Variants in ZNF532 observed in about 807,000 individuals in gnomAD.
The protein encoded by ZNF532 is zinc finger protein 532.
Under a neutral mutation model 89.3 loss-of-function variants are expected in ZNF532, and 22 were observed. The observed-to-expected ratio is 0.25, with a 90% CI of 0.18 to 0.35. The LOEUF is 0.35. Ranked by LOEUF, ZNF532 falls within the 10% of genes least tolerant of loss-of-function variation. The pLI, the probability that ZNF532 is intolerant of heterozygous loss-of-function variation, is 1.00. For missense variants in ZNF532, 1,132 were observed against 1,643.4 expected (o/e 0.69, Z 5.38); for synonymous variants, 606 against 649.6 (o/e 0.93, Z 1.02).
intron 2 of ZNF532, among the ~76,000 whole-genome samples, chr18:58,872,865 A>C (rs561811516): frequency 3.3e-5 from 5 of 151,500 alleles, no homozygotes; most frequent in Non-Finnish European, 5.9e-5. Context: ...ACGCCCGGCT[A>C]ATTTTTGTAT....
At chr18:58,931,002 A>T (rs146735553) in intron 3 of ZNF532, among the ~76,000 whole-genome samples, 1 of 152,266 alleles carries the variant, frequency 6.6e-6, no homozygotes, top group Admixed American at 6.5e-5. Flanking sequence ...TTATTTTCCT[A>T]TAGCTTTCTA....
At chr18:58,976,451 C>T (rs2067064185) in intron 7 of ZNF532, among the ~76,000 whole-genome samples, 1 of 152,166 alleles carries the variant, frequency 6.6e-6, no homozygotes, top group Non-Finnish European at 1.5e-5. Context: ...TGTGGGGTCT[C>T]TTGTCCTATT....
At chr18:58,972,015 G>T (rs2066520256) in intron 7 of ZNF532, among the ~76,000 whole-genome samples, 1 of 152,168 alleles carries the variant, frequency 6.6e-6, no homozygotes, top group Non-Finnish European at 1.5e-5. Flanking sequence ...ACCTGCCTGG[G>T]CAACATGGTG....
intron 7 of ZNF532, among the ~76,000 whole-genome samples, chr18:58,959,792 A>G (rs2065171709): frequency 6.6e-6 from 1 of 152,232 alleles, no homozygotes; most frequent in African/African-American, 2.4e-5. Flanking sequence ...CACAATACAT[A>G]ATAGATGTTT....
Position 58,981,515 on chromosome 18 carries a change from G to A in ZNF532, c.3309G>A (p.Leu1103=), listed in dbSNP as rs2067763103. Residue 1103 remains leucine (L), a synonymous_variant, in exon 9 of 10, where the codon CTG becomes CTA. Transcript: ENST00000591808. ...SRRTFTKRLM[L]EKHVQLMHGI... is the part of the protein sequence containing the mutation. ...GTACCTTTACCAAACGTTTGATGCT[G>A]GAGAAGCACGTCCAGCTGATGCATG... 6.2e-7 allele frequency: 1 copy of A among 1,613,950 alleles called. No individual in the cohort carries two copies. Among genetic ancestry groups the A allele is most frequent in the Non-Finnish European group, 8.5e-7 (1 of 1,180,004 alleles).
chr18:58,939,262 A>C (rs1329964304), intron 4 of ZNF532, among the ~76,000 whole-genome samples, 183 bp from the exon 5 acceptor site: 2 of 148,676 alleles, frequency 1.3e-5, no homozygotes, highest in Non-Finnish European at 3.0e-5. Context: ...AAAAAAAAAA[A>C]AAAAAAAAAA....
In ZNF532 at chr18:58,982,914, C is replaced by G. The variant is rs141735570; in HGVS notation, c.3412-1058C>G. 5.1e-3 allele frequency among the ~76,000 whole-genome samples: 772 copies of G among 152,270 alleles called. 5 individuals are homozygous for G. Among genetic ancestry groups the G allele is most frequent in the African/African-American group, 0.017 (702 of 41,536 alleles). ...CAGTCACGAGGTCAGGAGTTCGAGA[C>G]CAGCCTGGCCAATATGGTGAAACCC... On this transcript the variant is annotated intron_variant, in intron 9 of 9. Coordinates refer to ENST00000591808, the MANE Select transcript of ZNF532 (RefSeq NM_001375912.1).
At chr18:58,866,689 G>A (rs2056492960) in intron 2 of ZNF532, among the ~76,000 whole-genome samples, 1 of 152,214 alleles carries the variant, frequency 6.6e-6, no homozygotes, top group African/African-American at 2.4e-5. Flanking sequence ...GTTAAGTTGT[G>A]TGCTGGCAGT....
intron 2 of ZNF532, among the ~76,000 whole-genome samples, chr18:58,874,290 T>G (rs2057250191): frequency 6.6e-6 from 1 of 152,188 alleles, no homozygotes; most frequent in African/African-American, 2.4e-5. Flanking sequence ...TGGCTCTACT[T>G]TCATTTGTGG....
chr18:58,954,849 A>C (rs1194268381), intron 7 of ZNF532, among the ~76,000 whole-genome samples: 3 of 151,450 alleles, frequency 2.0e-5, no homozygotes, highest in Non-Finnish European at 4.4e-5. Context: ...AGTAGCTGGG[A>C]TTACAGATGT....
chr18:58,970,060 GT>G (rs1484963831), intron 7 of ZNF532, among the ~76,000 whole-genome samples: 17 of 151,432 alleles, frequency 1.1e-4, no homozygotes, highest in Admixed American at 7.9e-4. Flanking sequence ...ATTTTTTTGT[GT>G]TTTTAATAGA....
chr18:58,949,616 CAGTG>C (rs1017393860), intron 6 of ZNF532, among the ~76,000 whole-genome samples: 40 of 152,300 alleles, frequency 2.6e-4, no homozygotes, highest in African/African-American at 9.1e-4. Flanking sequence ...GCAGAGATCT[CAGTG>C]AGCTGAGATT....
chr18:58,918,761 C>T lies in ZNF532; in HGVS notation c.474C>T (p.Ser158=), dbSNP rs369347328. 9 of 1,614,168 alleles carry T rather than the reference C, an allele frequency of 5.6e-6. No homozygotes were observed. Among genetic ancestry groups the T allele is most frequent in the Non-Finnish European group, 7.6e-6 (9 of 1,180,032 alleles). The part of the protein sequence containing the change: ...DPPDKEDMRS[S]FRSNVLTGSA... Reference sequence around the variant, plus strand: ...CTGACAAGGAGGACATGCGATCAAGCTTCAGGTCGAATGTGTTGACGGGGT... The same window carrying T: ...CTGACAAGGAGGACATGCGATCAAGTTTCAGGTCGAATGTGTTGACGGGGT... Residue 158 remains serine (S), a synonymous_variant, in exon 3 of 10, where the codon AGC becomes AGT. Transcript: ENST00000591808.
rs1303376739 is a variant in ZNF532 at position 58,933,203 on chromosome 18, ACTTCATTAAAG to A, written c.2347-1227_2347-1217del. Among the ~76,000 whole-genome samples the A allele has an allele frequency of 3.3e-5, 5 of 152,242 alleles. No homozygotes were observed. The East Asian group carries it at 9.6e-4, about 29-fold the overall frequency. ...GGGTGCTATTTTTTTAATGATGCTA[ACTTCATTAAAG>A]CTACCTGTAATGTTCTTATTTTGTG... On this transcript the variant is annotated intron_variant, in intron 3 of 9. Transcript: ENST00000591808.
intron 2 of ZNF532, among the ~76,000 whole-genome samples, chr18:58,884,249 C>G (rs571707855): frequency 6.6e-6 from 1 of 152,148 alleles, no homozygotes; most frequent in Non-Finnish European, 1.5e-5. Context: ...GTGCGCTGGG[C>G]GCGCTCCTGT....
Position 58,959,262 on chromosome 18 carries a change from TTTTTTTTG to T in ZNF532, c.3150+5471_3150+5478del, listed in dbSNP as rs1440751925. On this transcript the variant is annotated intron_variant, in intron 7 of 9. Transcript: ENST00000591808. Reference sequence around the variant, plus strand: ...ATCTTTTCAGTTTTTTGTTTTTTGTTTTTTTTTGTTTTTTTTTGGTTTTTTTTTTTGAC... The same window carrying T: ...ATCTTTTCAGTTTTTTGTTTTTTGTTTTTTTTTTTGGTTTTTTTTTTTGAC... 8.2e-5 allele frequency among the ~76,000 whole-genome samples: 12 copies of T among 146,996 alleles called. 1 individual carries two copies. Among genetic ancestry groups the T allele is most frequent in the Middle Eastern group, 3.4e-3 (1 of 292 alleles).
intron 2 of ZNF532, among the ~76,000 whole-genome samples, chr18:58,898,394 A>G (rs2059382294): frequency 6.6e-6 from 1 of 152,236 alleles, no homozygotes; most frequent in Admixed American, 6.5e-5. Flanking sequence ...CCAGATGGCT[A>G]AATATTTAAA....
At chr18:58,960,660 G>T (rs1229598405) in intron 7 of ZNF532, among the ~76,000 whole-genome samples, 4 of 152,132 alleles carry the variant, frequency 2.6e-5, no homozygotes, top group African/African-American at 9.7e-5. Flanking sequence ...ACAGAAACTG[G>T]GTTTCAGCAA....
At chr18:58,870,846 G>A (rs944182434) in intron 2 of ZNF532, among the ~76,000 whole-genome samples, 4 of 152,140 alleles carry the variant, frequency 2.6e-5, no homozygotes, top group African/African-American at 9.7e-5. Flanking sequence ...CTTTGAGATA[G>A]CAAATTCCGA....
Sources: gnomAD v4.1 joint callset for allele counts (sites outside exome capture counted in the v4.1 genomes callset) on GRCh38, gnomAD v4.1.1 for gene constraint, MANE v1.5 for transcripts, NCBI Gene and HGNC (gene_info 2026-07-23, HGNC 2026-07-21) for gene names.